Variants in CTSA observed in about 807,000 individuals in gnomAD.
CTSA encodes the protein lysosomal protective protein.
In CTSA, 42 loss-of-function variants were observed where a neutral mutation model predicts 66.7. The observed-to-expected ratio is 0.63, with a 90% CI of 0.49 to 0.81. The LOEUF is 0.81. CTSA is among the 40% of genes least tolerant of loss of function. The pLI is 0.00. For missense variants in CTSA, 525 were observed against 610.9 expected, an observed-to-expected ratio of 0.86 and a Z score of 1.48; for synonymous variants, 225 against 248.6, an observed-to-expected ratio of 0.91 and a Z score of 0.89.
At position 45,897,198 on chromosome 20, in the gene CTSA, C is replaced by A. The variant is rs11569666; in HGVS notation, c.1164+158C>A. On this transcript the variant is annotated intron_variant, in intron 12 of 14. Coordinates refer to ENST00000646241, the MANE Select transcript of CTSA (RefSeq NM_000308.4). ...GTGATTGGTGGGGTCAGAATTTGAA[C>A]CTGGGTTTGTCCCCACCCATGCTGT... The A allele has an allele frequency of 8.1e-4, 577 of 712,550 alleles. 2 individuals are homozygous for A. The highest frequency in any genetic ancestry group is 8.0e-3 in the African/African-American group (456 of 57,204). The allele number at this position is 712,550 out of a possible 1,614,324, so 44.1% of individuals were successfully genotyped here. A position where few individuals can be genotyped will look rare whatever the true frequency, so the allele number is the denominator to read the frequency against.
chr20:45,895,084 C>G lies in CTSA; in HGVS notation c.1039C>G (p.Arg347Gly). The change falls in exon 11 of 15, where the codon CGG (arginine) becomes GGG (glycine). Residue 347 changes from arginine to glycine, a missense_variant. Physicochemically the swap from Arg to Gly is moderately radical, Grantham distance 125. Transcript: ENST00000646241. ...CACCTACCTCAACAACCCGTACGTGCGGAAGGCCCTCAACATCCCGGAGCA... is the reference window on the plus strand; with the variant it reads ...CACCTACCTCAACAACCCGTACGTGGGGAAGGCCCTCAACATCCCGGAGCA... ...ASTYLNNPYV[R>G]KALNIPEQLP... 6.2e-7 allele frequency: 1 copy of G among 1,614,168 alleles called. No homozygotes were observed. The highest frequency in any genetic ancestry group is 8.5e-7 in the Non-Finnish European group (1 of 1,180,036).
chr20:45,898,660 G>C lies in CTSA; in HGVS notation c.*210G>C. The C allele has an allele frequency of 1.5e-6, 1 of 682,220 alleles. No homozygotes were observed. The highest frequency in any genetic ancestry group is 1.8e-5 in the African/African-American group (1 of 56,628). The allele number at this position is 682,220 out of a possible 1,614,324, so 42.3% of individuals were successfully genotyped here. Reference sequence around the variant, plus strand: ...GCACTTTATTCCCGCAGCAGTTCCTGAATGGGGTGGCCTGGCCCCTTCTCT... The same window carrying C: ...GCACTTTATTCCCGCAGCAGTTCCTCAATGGGGTGGCCTGGCCCCTTCTCT... On this transcript the variant is annotated 3_prime_UTR_variant, in exon 15 of 15. Transcript: ENST00000646241. This position sits in a 1 kb window ranked among gnomAD's most constrained non-coding sequence, Gnocchi z 4.6.
At chr20:45,892,575 C>A (rs552233140) in intron 5 of CTSA, 91 bp downstream of exon 5, 1 of 1,516,756 alleles carries the variant, frequency 6.6e-7, no homozygotes, top group Non-Finnish European at 9.1e-7. Flanking sequence ...TTGGAGTCTA[C>A]TTTTCGCTCT....
At position 45,894,750 on chromosome 20, in the gene CTSA, T is replaced by G. The variant is rs761952251; in HGVS notation, c.869+9T>G. On this transcript the variant is annotated intron_variant, in intron 9 of 14. Transcript: ENST00000646241. ...GTGCCCAGCCATTTTAGGTAGGTGCTGCTGGGTGCCCCTGGAGCCAACCCC... is the reference window on the plus strand; with the variant it reads ...GTGCCCAGCCATTTTAGGTAGGTGCGGCTGGGTGCCCCTGGAGCCAACCCC... 3.7e-6 allele frequency: 6 copies of G among 1,613,826 alleles called. No individual in the cohort carries two copies. Among genetic ancestry groups the G allele is most frequent in the Non-Finnish European group, 5.1e-6 (6 of 1,179,846 alleles).
rs762275826 is a variant in CTSA, at chr20:45,894,633, T to C, written c.778-17T>C. On this transcript the variant is annotated splice_polypyrimidine_tract_variant and intron_variant, in intron 8 of 14. Transcript: ENST00000646241. ...CTGGGGATCTGTAAAGCATGGTGGCTTGGTGTATCATTGCAGCTTCAGGAA... is the reference window on the plus strand; with the variant it reads ...CTGGGGATCTGTAAAGCATGGTGGCCTGGTGTATCATTGCAGCTTCAGGAA... 3.1e-6 allele frequency: 5 copies of C among 1,610,386 alleles called. No homozygotes were observed.
At chr20:45,896,039 A>G (rs1024081888) in intron 11 of CTSA, among the ~76,000 whole-genome samples, 19 of 152,162 alleles carry the variant, frequency 1.2e-4, no homozygotes, top group Non-Finnish European at 2.6e-4. Context: ...TACTAAAAAT[A>G]CAACAATTAG....
In CTSA at chr20:45,896,627, C is replaced by T. The variant is rs529617152; in HGVS notation, c.1089-338C>T. ...TTTGTATTTTTTTTTTTAGTAGAGACGGGGTTTCACCATGTTGGTCAGGCT... is the reference window on the plus strand; with the variant it reads ...TTTGTATTTTTTTTTTTAGTAGAGATGGGGTTTCACCATGTTGGTCAGGCT... On this transcript the variant is annotated intron_variant, in intron 11 of 14. Transcript: ENST00000646241. The T allele has an allele frequency of 3.1e-3, 1,012 of 329,116 alleles. 4 individuals are homozygous for T. The highest frequency in any genetic ancestry group is 4.5e-3 in the Non-Finnish European group (759 of 168,524). 20.4% of individuals were successfully genotyped at this position (329,116 alleles called of 1,614,324 possible). A position where few individuals can be genotyped will look rare whatever the true frequency, so the allele number is the denominator to read the frequency against.
intron 11 of CTSA, chr20:45,896,531 C>A (rs1345525690): frequency 1.2e-5 from 3 of 245,696 alleles, no homozygotes; most frequent in Non-Finnish European, 2.4e-5. Flanking sequence ...CTCCCGGGTT[C>A]AAGTGATTCT....
intron 11 of CTSA, among the ~76,000 whole-genome samples, chr20:45,896,082 C>G (rs1286173482): frequency 6.6e-6 from 1 of 152,110 alleles, no homozygotes; most frequent in Non-Finnish European, 1.5e-5. Context: ...GTAATCCCAG[C>G]TATTCAGGAG....
chr20:45,896,825 GC>G lies in CTSA; in HGVS notation c.1089-131del, dbSNP rs11468785. 443,986 of 740,348 alleles carry G rather than the reference GC, an allele frequency of 0.6. 134,635 individuals carry two copies. Among genetic ancestry groups the G allele is most frequent in the Admixed American group, 0.73 (39,988 of 54,984 alleles). 45.9% of individuals were successfully genotyped at this position (740,348 alleles called of 1,614,324 possible). ...CATCCAAGTCAGTCCTAGAGAGGTG[GC>G]CCCCCCCCAAAAAGGGGAGTGGAAC... On this transcript the variant is annotated intron_variant, in intron 11 of 14. Coordinates refer to ENST00000646241, the MANE Select transcript of CTSA (RefSeq NM_000308.4).
intron 5 of CTSA, 120 bp downstream of exon 5, chr20:45,892,604 A>G: frequency 6.7e-7 from 1 of 1,493,754 alleles, no homozygotes; most frequent in Non-Finnish European, 9.3e-7. Context: ...CTATTGTGGT[A>G]TGGTGGCCAG....
At chr20:45,892,634 T>C in intron 5 of CTSA, 91 bp from the exon 6 acceptor site, 1 of 1,561,372 alleles carries the variant, frequency 6.4e-7, no homozygotes, top group Non-Finnish European at 8.8e-7. Flanking sequence ...CTTGCACAAA[T>C]AGGGTGGGTT....
Position 45,891,793 on chromosome 20 carries a change from GGAGAA to G in CTSA, c.194+36_194+40del. On this transcript the variant is annotated intron_variant, in intron 2 of 14. Coordinates refer to ENST00000646241, the MANE Select transcript of CTSA (RefSeq NM_000308.4). The surrounding 1 kb of genome is among the most constrained non-coding windows in gnomAD (Gnocchi z 4.6). ...CCGCCCTGCCTTCTGGGCGGGATTG[GGAGAA>G]GAGATGACGGATGAGGGATGGGGGG... is the stretch of plus-strand genomic sequence containing the variant. The G allele has an allele frequency of 6.2e-7, 1 of 1,613,752 alleles. No individual in the cohort carries two copies.
intron 11 of CTSA, among the ~76,000 whole-genome samples, chr20:45,895,989 G>A (rs889747610): frequency 6.6e-6 from 1 of 152,200 alleles, no homozygotes; most frequent in Non-Finnish European, 1.5e-5. Flanking sequence ...GAGGTCAGGA[G>A]TTCGAGACCA....
Position 45,894,894 on chromosome 20 carries a change from G to C in CTSA, c.941G>C (p.Trp314Ser), listed in dbSNP as rs767714692. The C allele has an allele frequency of 3.7e-6, 6 of 1,614,054 alleles. No homozygotes were observed. In the African/African-American group the frequency reaches 8.0e-5, roughly 22 times the overall value. ...ACTCGCCTGCCACTCAAGCGGATGT[G>C]GCATCAGGTGTGCGAGGGCGTGGGC... Reference protein sequence around the residue: ...IFTRLPLKRMWHQALLRSGDK... With the variant: ...IFTRLPLKRMSHQALLRSGDK... Residue 314 changes from tryptophan to serine, a missense_variant, in exon 10 of 15, where the codon TGG becomes TCG. By Grantham distance (177) the Trp-to-Ser change is radical. This residue lies in a region of CTSA where 274 missense variants were observed against 321.1 expected (regional missense o/e 0.85). Coordinates refer to ENST00000646241, the MANE Select transcript of CTSA (RefSeq NM_000308.4).
chr20:45,897,566 A>G, intron 12 of CTSA, 151 bp from the exon 13 acceptor site: 1 of 677,378 alleles, frequency 1.5e-6, no homozygotes, highest in Non-Finnish European at 2.7e-6. Context: ...AATACTGGAC[A>G]TGCAGTAAGT....
chr20:45,896,398 G>A, intron 11 of CTSA: 1 of 196,012 alleles, frequency 5.1e-6, no homozygotes, highest in South Asian at 8.6e-5. Flanking sequence ...ATGCATCCCA[G>A]TCCTCGTAAC....
At position 45,893,207 on chromosome 20, in the gene CTSA, G is replaced by T; in HGVS notation, c.601-13G>T. On this transcript the variant is annotated splice_polypyrimidine_tract_variant and intron_variant, in intron 6 of 14. Transcript: ENST00000646241. ...GCCCTCCACATGAGCTGAGCACCCT[G>T]GGTGTTTCACAGGGGCTGGCTGTGG... 6.2e-7 allele frequency: 1 copy of T among 1,610,064 alleles called. No individual in the cohort carries two copies. The highest frequency in any genetic ancestry group is 8.5e-7 in the Non-Finnish European group (1 of 1,176,310).
In CTSA at chr20:45,896,525, C is replaced by T. The variant is rs1050910851; in HGVS notation, c.1089-440C>T. The T allele has an allele frequency of 5.8e-5, 14 of 240,582 alleles. No homozygotes were observed. The East Asian group carries it at 1.1e-3, about 18-fold the overall frequency. 14.9% of individuals were successfully genotyped at this position (240,582 alleles called of 1,614,324 possible). A position where few individuals can be genotyped will look rare whatever the true frequency, so the allele number is the denominator to read the frequency against. On this transcript the variant is annotated intron_variant, in intron 11 of 14. Coordinates refer to ENST00000646241, the MANE Select transcript of CTSA (RefSeq NM_000308.4). ...TTGGCTCACTGCAACCTCCGCCTCC[C>T]GGGTTCAAGTGATTCTCCTGCCTCA...
Sources: allele counts gnomAD v4.1 joint callset (sites outside exome capture counted in the v4.1 genomes callset), GRCh38; gene constraint gnomAD v4.1.1; regional missense constraint gnomAD v4.1.1; non-coding constraint Gnocchi (gnomAD v3.1); transcripts MANE v1.5; gene names NCBI Gene and HGNC (gene_info 2026-07-23, HGNC 2026-07-21).